Variants in RASA3 observed in about 807,000 individuals in gnomAD.
The protein encoded by RASA3 is ras GTPase-activating protein 3.
A neutral mutation model predicts 110.0 loss-of-function variants in RASA3; 73 were observed. The observed-to-expected ratio is 0.66, with a 90% CI of 0.55 to 0.81. The LOEUF is 0.81. RASA3 is among the 30% of genes least tolerant of loss of function. The pLI is 0.00. For synonymous variants in RASA3, 500 were observed against 451.4 expected, an observed-to-expected ratio of 1.11 and a Z score of -1.37; for missense variants, 976 against 1,113.2, an observed-to-expected ratio of 0.88 and a Z score of 1.75.
rs992763893 is a variant in RASA3 at position 114,112,478 on chromosome 13, C to T, written c.55+19957G>A. Among the ~76,000 whole-genome samples the T allele has an allele frequency of 2.6e-5, 4 of 152,174 alleles. No individual in the cohort carries two copies. The highest frequency in any genetic ancestry group is 2.1e-4 in the South Asian group (1 of 4,828). On this transcript the variant is annotated intron_variant, in intron 1 of 23. Coordinates refer to ENST00000334062, the MANE Select transcript of RASA3 (RefSeq NM_007368.4). The surrounding 1 kb of genome is among the most constrained non-coding windows in gnomAD (Gnocchi z 4.8). ...TTAGACCGGGGTCTCAGATTTCAGC[C>T]GGACGGGAACTCTCTGCAGGGCCGG...
chr13:114,040,499 C>T lies in RASA3; in HGVS notation c.372+501G>A, dbSNP rs377226051. Among the ~76,000 whole-genome samples the T allele has an allele frequency of 1.8e-3, 231 of 130,868 alleles. No homozygotes were observed. The East Asian group carries it at 0.02, about 12-fold the overall frequency. 85.9% of individuals were successfully genotyped at this position (130,868 alleles called of 152,430 possible). A position where few individuals can be genotyped will look rare whatever the true frequency, so the allele number is the denominator to read the frequency against. On this transcript the variant is annotated intron_variant, in intron 4 of 23. Coordinates refer to ENST00000334062, the MANE Select transcript of RASA3 (RefSeq NM_007368.4). Reference sequence around the variant, plus strand: ...AGACCGCGCTCACTCCGAGCACAAGCGGGCGAACACGCACAACCCAAAATC... The same window carrying T: ...AGACCGCGCTCACTCCGAGCACAAGTGGGCGAACACGCACAACCCAAAATC...
rs144035623 is a variant in RASA3 at position 114,117,243 on chromosome 13, G to A, written c.55+15192C>T. On this transcript the variant is annotated intron_variant, in intron 1 of 23. Coordinates refer to ENST00000334062, the MANE Select transcript of RASA3 (RefSeq NM_007368.4). ...GTGTGAGGGGTGCATGTGTGTGAGG[G>A]GTGCACGTGTGTGAGGGATGCACGT... Among the ~76,000 whole-genome samples, 610 of 74,800 alleles carry A rather than the reference G, an allele frequency of 8.2e-3. 20 individuals are homozygous for A. The highest frequency in any genetic ancestry group is 0.013 in the Non-Finnish European group (382 of 30,148). 49.1% of individuals were successfully genotyped at this position (74,800 alleles called of 152,430 possible).
rs530253901 is a variant in RASA3, at chr13:114,067,094, T to C, written c.173+6626A>G. Among the ~76,000 whole-genome samples, 375 of 137,462 alleles carry C rather than the reference T, an allele frequency of 2.7e-3. 1 individual carries two copies. The highest frequency in any genetic ancestry group is 3.8e-3 in the Non-Finnish European group (247 of 64,282). The allele number at this position is 137,462 out of a possible 152,430, so 90.2% of individuals were successfully genotyped here. ...CAGGCCCCCCAACCTGGGCTGAGGA[T>C]GGGCCCCCCAGCTGGGGCACTCTGG... is the stretch of plus-strand genomic sequence containing the variant. On this transcript the variant is annotated intron_variant, in intron 2 of 23. Transcript: ENST00000334062.
intron 4 of RASA3, among the ~76,000 whole-genome samples, chr13:114,034,414 C>T (rs1335681324): frequency 1.3e-5 from 2 of 152,070 alleles, no homozygotes; most frequent in African/African-American, 4.8e-5. Context: ...GGCTGTGTGG[C>T]CCCCGTGTGC....
chr13:114,033,712 AG>A, intron 4 of RASA3, among the ~76,000 whole-genome samples: 1 of 152,082 alleles, frequency 6.6e-6, no homozygotes, highest in African/African-American at 2.4e-5. Flanking sequence ...CAGCGCTCAC[AG>A]GGGGAATGGA....
At chr13:113,999,747 C>CA (rs2053340593) in intron 19 of RASA3, 80 bp from the exon 20 acceptor site, 3 of 787,278 alleles carry the variant, frequency 3.8e-6, no homozygotes, top group Non-Finnish European at 3.8e-6. Flanking sequence ...GGGTCTCTGC[C>CA]GGGGGGTCTC....
chr13:113,980,282 C>CGT (rs2052896426), intron 23 of RASA3, among the ~76,000 whole-genome samples: 3 of 146,336 alleles, frequency 2.1e-5, no homozygotes. Context: ...CCTCCTCCCA[C>CGT]GTGTGCACCT....
chr13:113,979,074 CT>C lies in RASA3; in HGVS notation c.*272del, dbSNP rs1181419353. ...AGGGCACAGCCCACACTTCCTGATC[CT>C]TCAGCTGATCCCCAGATCCCCACAA... On this transcript the variant is annotated 3_prime_UTR_variant, in exon 24 of 24. Transcript: ENST00000334062. The C allele has an allele frequency of 6.3e-5, 31 of 489,612 alleles. No individual in the cohort carries two copies. The highest frequency in any genetic ancestry group is 1.7e-4 in the Admixed American group (5 of 29,702). 30.3% of individuals were successfully genotyped at this position (489,612 alleles called of 1,614,324 possible). A position where few individuals can be genotyped will look rare whatever the true frequency, so the allele number is the denominator to read the frequency against.
At chr13:114,121,552 T>A (rs977015998) in intron 1 of RASA3, among the ~76,000 whole-genome samples, 1 of 152,152 alleles carries the variant, frequency 6.6e-6, no homozygotes, top group Non-Finnish European at 1.5e-5. Flanking sequence ...TACATGTGCA[T>A]GTGTGCAAGC....
At chr13:114,074,049 C>T (rs1270210475) in intron 1 of RASA3, among the ~76,000 whole-genome samples, 1 of 152,214 alleles carries the variant, frequency 6.6e-6, no homozygotes, top group African/African-American at 2.4e-5. Flanking sequence ...AATGCAAGTC[C>T]CGCAAGCAGG....
intron 1 of RASA3, among the ~76,000 whole-genome samples, chr13:114,110,879 T>TG (rs2080208630): frequency 6.6e-6 from 1 of 150,802 alleles, no homozygotes; most frequent in Non-Finnish European, 1.5e-5. Flanking sequence ...GTGTCCCAGG[T>TG]CGGGGGCAGC....
intron 1 of RASA3, among the ~76,000 whole-genome samples, chr13:114,081,672 C>T (rs1300855172): frequency 1.3e-5 from 2 of 152,184 alleles, no homozygotes; most frequent in South Asian, 2.1e-4. Context: ...TCCACAGAGA[C>T]GTGTCCACCA....
At chr13:114,022,338 A>G (rs1172912928) in intron 8 of RASA3, among the ~76,000 whole-genome samples, 2 of 152,228 alleles carry the variant, frequency 1.3e-5, no homozygotes, top group Non-Finnish European at 2.9e-5. Context: ...ACAAGTCTAC[A>G]GGGCTGGTAA....
chr13:114,095,001 C>T (rs560811521), intron 1 of RASA3, among the ~76,000 whole-genome samples: 4 of 152,074 alleles, frequency 2.6e-5, no homozygotes, highest in African/African-American at 4.8e-5. Flanking sequence ...TCATCTGCTG[C>T]TCTAGTAGGG....
chr13:114,120,503 C>T (rs1349008729), intron 1 of RASA3, among the ~76,000 whole-genome samples: 12 of 55,560 alleles, frequency 2.2e-4, no homozygotes, highest in Non-Finnish European at 4.3e-4. Flanking sequence ...TCAGGGCCCC[C>T]CCTCCTCTCT....
At chr13:114,028,314 T>TAAAACAGCATCATCTGGGGGCCAGAAC (rs1566498447) in intron 5 of RASA3, among the ~76,000 whole-genome samples, 590 of 27,068 alleles carry the variant, frequency 0.022, 2 homozygotes, top group African/African-American at 0.053. Flanking sequence ...GGAGCCAGGA[T>TAAAACAGCATCATCTGGGGGCCAGAAC]CTCTAAAACA....
At chr13:114,128,830 C>A (rs2080482626) in intron 1 of RASA3, among the ~76,000 whole-genome samples, 1 of 152,236 alleles carries the variant, frequency 6.6e-6, no homozygotes, top group South Asian at 2.1e-4. Flanking sequence ...CAGGCCCGGC[C>A]TCCCACGGAC....
chr13:114,012,508 A>G (rs1192750296), intron 15 of RASA3, among the ~76,000 whole-genome samples: 1 of 129,704 alleles, frequency 7.7e-6, no homozygotes, highest in Non-Finnish European at 1.6e-5. Context: ...CACTCATTAC[A>G]CACACTCCCC....
At chr13:114,117,848 C>T (rs1385391398) in intron 1 of RASA3, among the ~76,000 whole-genome samples, 5 of 128,846 alleles carry the variant, frequency 3.9e-5, no homozygotes, top group South Asian at 2.5e-4. Context: ...GCATGCAATG[C>T]TCCTGTATGC....
Sources: gnomAD v4.1 joint callset for allele counts (sites outside exome capture counted in the v4.1 genomes callset) on GRCh38, gnomAD v4.1.1 for gene constraint, Gnocchi (gnomAD v3.1) non-coding constraint, MANE v1.5 for transcripts, NCBI Gene and HGNC (gene_info 2026-07-23, HGNC 2026-07-21) for gene names.